Variants in DNAH8 observed in about 807,000 individuals in gnomAD.
DNAH8 encodes the protein dynein axonemal heavy chain 8.
A neutral mutation model predicts 562.1 loss-of-function variants in DNAH8; 382 were observed. The ratio of observed to expected loss-of-function variants is 0.68; its 90% CI spans 0.63 to 0.74. DNAH8 has a LOEUF of 0.74. Ranked by LOEUF, DNAH8 falls within the 30% of genes least tolerant of loss-of-function variation. The probability of loss-of-function intolerance (pLI) is 0.00; values close to 1 mark genes in which losing one functional copy is unlikely to be tolerated. For missense variants in DNAH8, 5,203 were observed against 5,620.4 expected (o/e 0.93, Z 2.37); for synonymous variants, 1,881 against 1,919.4 (o/e 0.98, Z 0.52).
chr6:38,924,507 C>A (rs552288824), intron 73 of DNAH8, among the ~76,000 whole-genome samples: 10 of 151,608 alleles, frequency 6.6e-5, no homozygotes, highest in Non-Finnish European at 2.9e-5. Flanking sequence ...TCCATCCCCC[C>A]CCCAAAAAAA....
chr6:38,940,503 A>G (rs1783354758), intron 79 of DNAH8, among the ~76,000 whole-genome samples: 1 of 152,182 alleles, frequency 6.6e-6, no homozygotes, highest in South Asian at 2.1e-4. Flanking sequence ...GACTTAACAC[A>G]ACCAAGGTGT....
At chr6:38,813,974 G>T in intron 24 of DNAH8, 80 bp from the exon 25 acceptor site, 2 of 1,000,878 alleles carry the variant, frequency 2.0e-6, no homozygotes, top group South Asian at 1.4e-5. Flanking sequence ...TTTATTGTTC[G>T]GACTGAATTT....
chr6:38,935,715 A>T lies in DNAH8; in HGVS notation c.11563+18A>T, dbSNP rs762766867. 1.3e-5 allele frequency: 20 copies of T among 1,533,124 alleles called. 1 individual carries two copies. In the South Asian group the frequency reaches 2.3e-4, roughly 18 times the overall value. 95.0% of individuals were successfully genotyped at this position (1,533,124 alleles called of 1,614,324 possible). A position where few individuals can be genotyped will look rare whatever the true frequency, so the allele number is the denominator to read the frequency against. On this transcript the variant is annotated intron_variant, in intron 77 of 92. Transcript: ENST00000327475. ...TACAAAAGGTATTGTGTTATTAAGA[A>T]GTAATGAAATAACGGATTCTGAATA...
At chr6:38,761,884 G>A (rs1273654997) in intron 11 of DNAH8, 81 bp downstream of exon 11, 15 of 787,262 alleles carry the variant, frequency 1.9e-5, no homozygotes, top group Non-Finnish European at 2.9e-5. Flanking sequence ...CACAAAATAT[G>A]TTAACTGAAA....
chr6:38,823,340 A>G (rs1773041710), intron 27 of DNAH8, among the ~76,000 whole-genome samples: 1 of 152,162 alleles, frequency 6.6e-6, no homozygotes, highest in African/African-American at 2.4e-5. Flanking sequence ...ACCCAGCTGT[A>G]TTTCGGTTAG....
chr6:38,992,504 G>T (rs1250691132), intron 88 of DNAH8, among the ~76,000 whole-genome samples: 2 of 152,226 alleles, frequency 1.3e-5, no homozygotes, highest in Non-Finnish European at 2.9e-5. Context: ...GTTCACGTGA[G>T]TGGACAGAGA....
At chr6:38,723,542 G>A in intron 3 of DNAH8, 71 bp downstream of exon 3, 1 of 1,475,720 alleles carries the variant, frequency 6.8e-7, no homozygotes, top group Non-Finnish European at 8.9e-7. Flanking sequence ...AAATAGAGTT[G>A]TCATAAACAG....
chr6:38,972,719 A>G (rs963839822), intron 83 of DNAH8, among the ~76,000 whole-genome samples: 1 of 152,222 alleles, frequency 6.6e-6, no homozygotes, highest in African/African-American at 2.4e-5. Flanking sequence ...AAAACCAGAC[A>G]TGAGCAGGTG....
At chr6:38,765,529 T>C (rs967125730) in intron 11 of DNAH8, among the ~76,000 whole-genome samples, 11 of 152,228 alleles carry the variant, frequency 7.2e-5, no homozygotes, top group African/African-American at 2.4e-4. Flanking sequence ...CCAGTTTTCC[T>C]AAGACCATTT....
chr6:39,029,771 A>C lies in DNAH8; in HGVS notation c.13837-334A>C, dbSNP rs1231711321. Reference sequence around the variant, plus strand: ...ATCCTGTTCCATGCTCCCACCTTCCACCAACTCAAACCAGACCTCTCAGAG... The same window carrying C: ...ATCCTGTTCCATGCTCCCACCTTCCCCCAACTCAAACCAGACCTCTCAGAG... On this transcript the variant is annotated intron_variant, in intron 92 of 92. Transcript: ENST00000327475. 2.6e-5 allele frequency among the ~76,000 whole-genome samples: 4 copies of C among 152,218 alleles called. No homozygotes were observed. In the South Asian group the frequency reaches 8.3e-4, roughly 32 times the overall value.
At chr6:38,932,315 T>C (rs938325213) in intron 76 of DNAH8, among the ~76,000 whole-genome samples, 6 of 151,874 alleles carry the variant, frequency 4.0e-5, no homozygotes, top group Non-Finnish European at 8.8e-5. Context: ...AATAAAACAA[T>C]GATTGAGAGA....
intron 30 of DNAH8, among the ~76,000 whole-genome samples, chr6:38,828,701 G>T (rs557279128): frequency 6.6e-6 from 1 of 152,284 alleles, no homozygotes; most frequent in Non-Finnish European, 1.5e-5. Context: ...CAAGCAATGT[G>T]AGACTGTAAA....
chr6:38,786,676 T>C, intron 17 of DNAH8, 89 bp from the exon 18 acceptor site: 1 of 1,346,596 alleles, frequency 7.4e-7, no homozygotes, highest in Non-Finnish European at 1.0e-6. Context: ...AAGAAGTTAG[T>C]AATCCAGGGG....
intron 91 of DNAH8, among the ~76,000 whole-genome samples, chr6:39,017,358 G>A (rs1004220909): frequency 6.6e-6 from 1 of 152,038 alleles, no homozygotes; most frequent in Admixed American, 6.6e-5. Context: ...GCTGTGTGTG[G>A]GGATGTGTTT....
chr6:39,008,687 TTTC>T (rs1265828946), intron 88 of DNAH8, 124 bp from the exon 89 acceptor site: 3 of 525,780 alleles, frequency 5.7e-6, no homozygotes, highest in African/African-American at 4.9e-5. Context: ...GTAGTTAACT[TTTC>T]TTCTTTTTTT....
chr6:38,931,714 G>A lies in DNAH8; in HGVS notation c.11275-97G>A, dbSNP rs78124084. 5.4e-3 allele frequency: 3,501 copies of A among 651,604 alleles called. 53 individuals carry two copies. Among genetic ancestry groups the A allele is most frequent in the African/African-American group, 0.037 (1,998 of 53,358 alleles). 40.4% of individuals were successfully genotyped at this position (651,604 alleles called of 1,614,324 possible). ...ACTTTCCTTCCCAATTTATTGAAGC[G>A]TCACAGCACTGACAGGTAAATTCTT... On this transcript the variant is annotated intron_variant, in intron 75 of 92. Transcript: ENST00000327475.
At chr6:38,796,537 T>C (rs1441318366) in intron 21 of DNAH8, among the ~76,000 whole-genome samples, 2 of 152,186 alleles carry the variant, frequency 1.3e-5, no homozygotes, top group African/African-American at 4.8e-5. Context: ...GCAGACAGCA[T>C]GCACCACACC....
intron 5 of DNAH8, among the ~76,000 whole-genome samples, chr6:38,735,711 A>G (rs1204229444): frequency 1.3e-5 from 2 of 152,246 alleles, no homozygotes; most frequent in Non-Finnish European, 2.9e-5. Context: ...ATGAAATAGT[A>G]TAAGTCTTTC....
At chr6:38,939,062 C>T in intron 79 of DNAH8, 74 bp downstream of exon 79, 1 of 1,182,874 alleles carries the variant, frequency 8.5e-7, no homozygotes, top group Non-Finnish European at 1.2e-6. Flanking sequence ...TACCATAAAC[C>T]CATTTCTGTG....
Sources: gnomAD v4.1 joint callset for allele counts (sites outside exome capture counted in the v4.1 genomes callset) on GRCh38, gnomAD v4.1.1 for gene constraint, MANE v1.5 for transcripts, NCBI Gene and HGNC (gene_info 2026-07-23, HGNC 2026-07-21) for gene names.